SHANK2: variants seen among roughly 807,000 people sequenced by gnomAD.
SHANK2 encodes SH3 and multiple ankyrin repeat domains protein 2.
SHANK2 carries 43 observed loss-of-function variants against 133.7 expected under a neutral mutation model. That is an observed-to-expected ratio of 0.32 (90% CI 0.25 to 0.41). The LOEUF is 0.41. Among genes scored for constraint, SHANK2 ranks in the 10% least tolerant of loss-of-function variants. SHANK2 has a pLI of 1.00. For missense variants in SHANK2, 1,994 were observed against 2,235.8 expected (o/e 0.89, Z 2.18); for synonymous variants, 1,017 against 952.8 (o/e 1.07, Z -1.24).
chr11:70,760,423 C>T (rs529778097), intron 14 of SHANK2, among the ~76,000 whole-genome samples: 7 of 152,362 alleles, frequency 4.6e-5, no homozygotes, highest in East Asian at 1.9e-4. Context: ...CTGCTCCCCA[C>T]GTTTGTTCCT....
chr11:70,744,999 C>T (rs1174641362), intron 14 of SHANK2, among the ~76,000 whole-genome samples: 4 of 152,218 alleles, frequency 2.6e-5, no homozygotes, highest in East Asian at 1.9e-4. Context: ...CGGGGGACAC[C>T]GGCGCCCTGA....
intron 11 of SHANK2, among the ~76,000 whole-genome samples, chr11:70,874,336 G>C (rs79961791): frequency 0.075 from 11,354 of 151,432 alleles, 1,405 homozygotes; most frequent in African/African-American, 0.26. Flanking sequence ...ATCTATCCAT[G>C]ATTTATCTAT....
Position 70,944,455 on chromosome 11 carries a change from C to T in SHANK2, c.1108-47888G>A, listed in dbSNP as rs185222971. 6.6e-5 allele frequency among the ~76,000 whole-genome samples: 10 copies of T among 152,286 alleles called. No individual in the cohort carries two copies. The South Asian group carries it at 1.0e-3, about 16-fold the overall frequency. ...CCTGAGAAAGCAGCATAGGAGGGGC[C>T]GATTCGAGAACACGTGCATCTGAAA... is the stretch of plus-strand genomic sequence containing the variant. On this transcript the variant is annotated intron_variant, in intron 10 of 25. Coordinates refer to ENST00000601538, the MANE Select transcript of SHANK2 (RefSeq NM_012309.5).
At chr11:70,826,536 T>C (rs1483875693) in intron 11 of SHANK2, 4 of 470,936 alleles carry the variant, frequency 8.5e-6, no homozygotes, top group Non-Finnish European at 1.8e-5. Flanking sequence ...GTCCGCTCAT[T>C]ATATAACCTT....
chr11:71,081,437 C>A, intron 8 of SHANK2, among the ~76,000 whole-genome samples: 1 of 152,322 alleles, frequency 6.6e-6, no homozygotes, highest in South Asian at 2.1e-4. Flanking sequence ...CATAAAGCTG[C>A]GGCCCTTGCC....
intron 17 of SHANK2, among the ~76,000 whole-genome samples, chr11:70,658,246 GACACACACACACACACAGAC>G (rs2061433504): frequency 1.6e-5 from 2 of 121,876 alleles, no homozygotes; most frequent in Admixed American, 8.3e-5. Flanking sequence ...CACACACACA[GACACACACACACACACAGAC>G]ACACACACAC....
chr11:70,881,004 T>G (rs191558632), intron 11 of SHANK2, among the ~76,000 whole-genome samples: 4 of 152,358 alleles, frequency 2.6e-5, no homozygotes, highest in African/African-American at 9.6e-5. Context: ...ATCCCAACCC[T>G]GAACGACAAT....
At chr11:71,076,729 G>A (rs1254138613) in intron 8 of SHANK2, among the ~76,000 whole-genome samples, 3 of 152,170 alleles carry the variant, frequency 2.0e-5, no homozygotes, top group African/African-American at 7.2e-5. Context: ...ACTCTCAGAG[G>A]TCCAGGGAAG....
intron 15 of SHANK2, among the ~76,000 whole-genome samples, chr11:70,675,830 A>C (rs782173697): frequency 6.6e-6 from 1 of 152,208 alleles, no homozygotes; most frequent in Non-Finnish European, 1.5e-5. Flanking sequence ...AGCAAGGCCA[A>C]AGGCAAAGCA....
In SHANK2 at chr11:71,172,029, T is replaced by A. The variant is rs529558069; in HGVS notation, c.-12-24691A>T. ...GCAGTAGGGTGATGGGAATGTCCCC[T>A]TGGGCAGTCCCCCATGGCTGCCCAA... is the stretch of plus-strand genomic sequence containing the variant. On this transcript the variant is annotated intron_variant, in intron 2 of 25. Transcript: ENST00000601538. Among the ~76,000 whole-genome samples, 18 of 152,296 alleles carry A rather than the reference T, an allele frequency of 1.2e-4. No individual in the cohort carries two copies. In the East Asian group the frequency reaches 3.5e-3, roughly 30 times the overall value.
At chr11:70,754,890 G>A (rs781825904) in intron 14 of SHANK2, among the ~76,000 whole-genome samples, 1 of 152,104 alleles carries the variant, frequency 6.6e-6, no homozygotes, top group Non-Finnish European at 1.5e-5. Context: ...GATTTAACAC[G>A]GCCCCAGATG....
At position 70,706,449 on chromosome 11, in the gene SHANK2, C is replaced by T. The variant is rs539516201; in HGVS notation, c.1778-7686G>A. ...ACAGGAAGCTGGATGATTACAGCTCCAGCTGGGGATTGCCGAGGCAGGGGA... is the reference window on the plus strand; with the variant it reads ...ACAGGAAGCTGGATGATTACAGCTCTAGCTGGGGATTGCCGAGGCAGGGGA... On this transcript the variant is annotated intron_variant, in intron 14 of 25. Transcript: ENST00000601538. 6.6e-5 allele frequency among the ~76,000 whole-genome samples: 10 copies of T among 152,272 alleles called. No homozygotes were observed. In the East Asian group the frequency reaches 1.9e-3, roughly 29 times the overall value.
intron 21 of SHANK2, among the ~76,000 whole-genome samples, chr11:70,495,593 C>G (rs530714409): frequency 6.6e-5 from 10 of 152,296 alleles, no homozygotes; most frequent in African/African-American, 2.2e-4. Context: ...GAGTTATGTC[C>G]CATAGCTGTG....
chr11:71,210,247 TATATA>T (rs1954240743), intron 2 of SHANK2, among the ~76,000 whole-genome samples: 3 of 93,592 alleles, frequency 3.2e-5, no homozygotes, highest in African/African-American at 5.0e-5. Context: ...TATATATATA[TATATA>T]TTTATTTATT....
intron 17 of SHANK2, among the ~76,000 whole-genome samples, chr11:70,592,014 T>A (rs1041867709): frequency 6.6e-6 from 1 of 151,512 alleles, no homozygotes; most frequent in Non-Finnish European, 1.5e-5. Context: ...GTCTGGGCGA[T>A]AGAGCGAGAC....
In SHANK2 at chr11:71,092,459, C is replaced by T. The variant is rs782424677; in HGVS notation, c.875G>A (p.Cys292Tyr). 1 of 1,551,508 alleles carries T rather than the reference C, an allele frequency of 6.4e-7. No homozygotes were observed. Among genetic ancestry groups the T allele is most frequent in the Non-Finnish European group, 8.7e-7 (1 of 1,146,948 alleles). ...GTGCCAGCCGTTCTCATCTTTGCAG[C>T]ACACAGTGGCGTGTTCGTGCAGGAG... ...ELLLHEHATV[C>Y]CKDENGWHEI... The change falls in exon 8 of 26, where the codon TGC (cysteine) becomes TAC (tyrosine). Residue 292 changes from cysteine (C) to tyrosine (Y), a missense_variant. Cys to Tyr is a radical substitution (Grantham distance 194). Transcript: ENST00000601538.
intron 2 of SHANK2, among the ~76,000 whole-genome samples, chr11:71,149,284 T>A (rs1952715452): frequency 6.6e-6 from 1 of 152,136 alleles, no homozygotes; most frequent in South Asian, 2.1e-4. Context: ...CAGAAGTTCA[T>A]CACTAGAGAC....
At chr11:70,832,043 G>A (rs948348068) in intron 11 of SHANK2, among the ~76,000 whole-genome samples, 1 of 152,222 alleles carries the variant, frequency 6.6e-6, no homozygotes, top group Non-Finnish European at 1.5e-5. Context: ...CTTGGTGCAC[G>A]CAACACCGTG....
chr11:70,923,662 T>G (rs1197675092), intron 10 of SHANK2, among the ~76,000 whole-genome samples: 1 of 152,178 alleles, frequency 6.6e-6, no homozygotes, highest in Non-Finnish European at 1.5e-5. Context: ...AATCCTCCCA[T>G]CTCAGCCTCT....
Sources: gnomAD v4.1 joint callset for allele counts (sites outside exome capture counted in the v4.1 genomes callset) on GRCh38, gnomAD v4.1.1 for gene constraint, MANE v1.5 for transcripts, NCBI Gene and HGNC (gene_info 2026-07-23, HGNC 2026-07-21) for gene names.